The following PAFAH1B1 variants were observed in gnomAD, a reference collection of about 807,000 sequenced individuals.
The protein encoded by PAFAH1B1 is platelet activating factor acetylhydrolase 1b regulatory subunit 1, also known as platelet-activating factor acetylhydrolase IB subunit beta.
PAFAH1B1 carries 2 observed loss-of-function variants against 57.5 expected under a neutral mutation model. The ratio of observed to expected loss-of-function variants is 0.03; its 90% CI spans 0.01 to 0.11. The LOEUF is 0.11. Ranked by LOEUF, PAFAH1B1 falls within the 10% of genes least tolerant of loss-of-function variation. The probability of loss-of-function intolerance (pLI) is 1.00; values close to 1 mark genes in which losing one functional copy is unlikely to be tolerated. For synonymous variants in PAFAH1B1, 152 were observed against 169.6 expected, an observed-to-expected ratio of 0.90 and a Z score of 0.81; for missense variants, 257 against 512.0, an observed-to-expected ratio of 0.50 and a Z score of 4.81.
At chr17:2,662,214 A>G (rs1455994973) in intron 2 of PAFAH1B1, among the ~76,000 whole-genome samples, 2 of 152,210 alleles carry the variant, frequency 1.3e-5, no homozygotes, top group African/African-American at 4.8e-5. Context: ...GTAATAGTTT[A>G]GAAAATAATT....
chr17:2,647,086 A>G (rs984790308), intron 2 of PAFAH1B1, among the ~76,000 whole-genome samples: 1 of 152,174 alleles, frequency 6.6e-6, no homozygotes, highest in Non-Finnish European at 1.5e-5. Context: ...ACAGTGGCTC[A>G]TGCCTGTAAT....
chr17:2,655,837 T>A (rs561316147), intron 2 of PAFAH1B1, among the ~76,000 whole-genome samples: 2 of 152,150 alleles, frequency 1.3e-5, no homozygotes, highest in Non-Finnish European at 2.9e-5. Context: ...GGAAACTACA[T>A]TGAGAAAGTT....
At chr17:2,672,628 A>T in intron 6 of PAFAH1B1, 27 bp from the exon 7 acceptor site, 1 of 1,383,506 alleles carries the variant, frequency 7.2e-7, no homozygotes, top group Non-Finnish European at 1.0e-6. Context: ...ATATTACTTC[A>T]TAATATATTG....
intron 3 of PAFAH1B1, 110 bp from the exon 4 acceptor site, chr17:2,665,905 CT>C (rs1206563440): frequency 1.7e-5 from 20 of 1,177,328 alleles, no homozygotes; most frequent in East Asian, 8.9e-5. Context: ...CAGCCACTCC[CT>C]TTTTTTATAA....
chr17:2,672,864 TG>T, intron 7 of PAFAH1B1, 107 bp downstream of exon 7: 1 of 735,992 alleles, frequency 1.4e-6, no homozygotes, highest in East Asian at 2.7e-5. Flanking sequence ...GGTCAGGAAT[TG>T]AAGACCAGCC....
At chr17:2,680,456 T>C in intron 10 of PAFAH1B1, 136 bp downstream of exon 10, 1 of 801,026 alleles carries the variant, frequency 1.2e-6, no homozygotes, top group Non-Finnish European at 2.2e-6. Flanking sequence ...CATGAAAATC[T>C]TGTGGATTCC....
intron 1 of PAFAH1B1, among the ~76,000 whole-genome samples, chr17:2,606,211 A>G (rs2068202765): frequency 6.6e-6 from 1 of 152,134 alleles, no homozygotes; most frequent in South Asian, 2.1e-4. Context: ...ATGAATCTTA[A>G]CTATTCGACT....
intron 1 of PAFAH1B1, among the ~76,000 whole-genome samples, chr17:2,601,616 A>G (rs572951681): frequency 3.7e-4 from 56 of 152,104 alleles, no homozygotes; most frequent in African/African-American, 1.2e-3. Flanking sequence ...TCATATTTCT[A>G]TTTTTAGGAG....
At position 2,645,376 on chromosome 17, in the gene PAFAH1B1, T is replaced by C. The variant is rs2068753629; in HGVS notation, c.32+7056T>C. Among the ~76,000 whole-genome samples, 6 of 152,078 alleles carry C rather than the reference T, an allele frequency of 3.9e-5. No individual in the cohort carries two copies. In the South Asian group the frequency reaches 1.2e-3, roughly 32 times the overall value. Reference sequence around the variant, plus strand: ...ACTTTGGGAGGCTGAGGCAGATCACTTGAGGTCAGGAGTTGGAGACCAACC... The same window carrying C: ...ACTTTGGGAGGCTGAGGCAGATCACCTGAGGTCAGGAGTTGGAGACCAACC... On this transcript the variant is annotated intron_variant, in intron 2 of 10. Transcript: ENST00000397195.
chr17:2,680,017 A>G, intron 9 of PAFAH1B1, 147 bp from the exon 10 acceptor site: 1 of 751,384 alleles, frequency 1.3e-6, no homozygotes, highest in Non-Finnish European at 2.3e-6. Context: ...ATGAGTTTTC[A>G]GTTTCCTTTA....
At position 2,654,421 on chromosome 17, in the gene PAFAH1B1, C is replaced by T. The variant is rs116958804; in HGVS notation, c.33-10951C>T. Among the ~76,000 whole-genome samples, 29 of 151,782 alleles carry T rather than the reference C, an allele frequency of 1.9e-4. 1 individual carries two copies. The East Asian group carries it at 5.3e-3, about 28-fold the overall frequency. On this transcript the variant is annotated intron_variant, in intron 2 of 10. Transcript: ENST00000397195. Reference sequence around the variant, plus strand: ...CTCAAACTGACCTCAGGTGATCGCCCGCCTCAGCCTCTCAAAGTGTTGGGA... The same window carrying T: ...CTCAAACTGACCTCAGGTGATCGCCTGCCTCAGCCTCTCAAAGTGTTGGGA...
chr17:2,649,230 AAATT>A (rs1386611015), intron 2 of PAFAH1B1, among the ~76,000 whole-genome samples: 2 of 147,928 alleles, frequency 1.4e-5, no homozygotes, highest in Non-Finnish European at 3.0e-5. Context: ...AAAAAAAAAA[AAATT>A]AATGGGTTTA....
At chr17:2,677,216 AC>A (rs2069284171) in intron 9 of PAFAH1B1, among the ~76,000 whole-genome samples, 1 of 152,090 alleles carries the variant, frequency 6.6e-6, no homozygotes, top group African/African-American at 2.4e-5. Context: ...ATTCTTAGAG[AC>A]CTGTTCACTG....
intron 1 of PAFAH1B1, among the ~76,000 whole-genome samples, chr17:2,623,268 T>TC (rs2068447104): frequency 6.8e-6 from 1 of 147,230 alleles, no homozygotes; most frequent in Admixed American, 6.7e-5. Context: ...TTTCTTTTTT[T>TC]TTTTTTTTTT....
At chr17:2,649,805 G>C (rs985212565) in intron 2 of PAFAH1B1, among the ~76,000 whole-genome samples, 2 of 152,106 alleles carry the variant, frequency 1.3e-5, no homozygotes, top group Non-Finnish European at 2.9e-5. Context: ...TGATAAATGG[G>C]AAAGCACCTG....
intron 2 of PAFAH1B1, among the ~76,000 whole-genome samples, chr17:2,658,330 AAC>A (rs1567550931): frequency 6.6e-6 from 1 of 152,230 alleles, no homozygotes; most frequent in Non-Finnish European, 1.5e-5. Context: ...TAAAGAGGGA[AAC>A]ACAGATAAAT....
intron 1 of PAFAH1B1, among the ~76,000 whole-genome samples, chr17:2,610,158 A>G (rs968819130): frequency 6.6e-6 from 1 of 152,238 alleles, no homozygotes; most frequent in African/African-American, 2.4e-5. Context: ...TTGAAAACGC[A>G]GTTCTATCAT....
intron 1 of PAFAH1B1, among the ~76,000 whole-genome samples, chr17:2,634,918 C>G (rs945866123): frequency 6.6e-6 from 1 of 152,158 alleles, no homozygotes; most frequent in African/African-American, 2.4e-5. Flanking sequence ...AATCCGAGCA[C>G]TTTGGAGACC....
In PAFAH1B1 at chr17:2,667,156, G is replaced by T. The variant is rs2069116549; in HGVS notation, c.357G>T (p.Val119=). The change falls in exon 5 of 11, where the codon GTG becomes GTT. Residue 119 remains valine, a synonymous_variant. Coordinates refer to ENST00000397195, the MANE Select transcript of PAFAH1B1 (RefSeq NM_000430.4). ...TCACTCGAGTCATTTTCCATCCTGT[G>T]TTCAGTGTTATGGTCTCTGCTTCAG... ...SPVTRVIFHP[V]FSVMVSASED... is the part of the protein sequence containing the mutation. 2 of 1,613,874 alleles carry T rather than the reference G, an allele frequency of 1.2e-6. No homozygotes were observed.
Sources: allele counts gnomAD v4.1 joint callset (sites outside exome capture counted in the v4.1 genomes callset), GRCh38; gene constraint gnomAD v4.1.1; transcripts MANE v1.5; gene names NCBI Gene and HGNC (gene_info 2026-07-23, HGNC 2026-07-21).